Variants in SOX5 observed in about 807,000 individuals in gnomAD.
SOX5 encodes SRY-box transcription factor 5, also known as transcription factor SOX-5.
In SOX5, 9 loss-of-function variants were observed where a neutral mutation model predicts 92.0. The ratio of observed to expected loss-of-function variants is 0.10; its 90% CI spans 0.06 to 0.17. SOX5 has a LOEUF of 0.17. SOX5 is among the 10% of genes least tolerant of loss of function. The probability of loss-of-function intolerance (pLI) is 1.00; values close to 1 mark genes in which losing one functional copy is unlikely to be tolerated. For synonymous variants in SOX5, 344 were observed against 336.3 expected, an observed-to-expected ratio of 1.02 and a Z score of -0.25; for missense variants, 642 against 944.5, an observed-to-expected ratio of 0.68 and a Z score of 4.20.
intron 1 of SOX5, among the ~76,000 whole-genome samples, chr12:24,390,710 G>A (rs1291904104): frequency 1.3e-5 from 2 of 152,024 alleles, no homozygotes; most frequent in South Asian, 4.2e-4. Flanking sequence ...TAAGATAATG[G>A]CCTCCAGTTC....
chr12:24,440,594 TTGTGTGTGTGTGTGTGTGTGTG>T (rs56082162), intron 1 of SOX5, among the ~76,000 whole-genome samples: 3 of 139,632 alleles, frequency 2.1e-5, no homozygotes, highest in South Asian at 2.4e-4. Context: ...ACATGATCCT[TTGTGTGTGTGTGTGTGTGTGTG>T]TGTGTGTGTG....
At chr12:23,858,474 A>G (rs2096719392) in intron 2 of SOX5, among the ~76,000 whole-genome samples, 1 of 152,186 alleles carries the variant, frequency 6.6e-6, no homozygotes, top group African/African-American at 2.4e-5. Context: ...GAGAAATTCA[A>G]ATAAAAACCA....
At chr12:23,623,976 A>G (rs1406999248) in intron 8 of SOX5, among the ~76,000 whole-genome samples, 2 of 152,208 alleles carry the variant, frequency 1.3e-5, no homozygotes, top group African/African-American at 4.8e-5. Context: ...AAAATGTGGT[A>G]CATAGATACT....
intron 3 of SOX5, among the ~76,000 whole-genome samples, chr12:24,216,562 G>T (rs1959179744): frequency 6.6e-6 from 1 of 152,178 alleles, no homozygotes; most frequent in Non-Finnish European, 1.5e-5. Flanking sequence ...GAAAGAAGAA[G>T]ATCTGAAGAT....
chr12:24,507,628 G>A (rs1948919813), intron 1 of SOX5, among the ~76,000 whole-genome samples: 1 of 152,106 alleles, frequency 6.6e-6, no homozygotes, highest in Non-Finnish European at 1.5e-5. Context: ...TTCATTATGT[G>A]CAGGGAATTA....
intron 8 of SOX5, among the ~76,000 whole-genome samples, chr12:23,611,423 T>G (rs1206680197): frequency 6.6e-6 from 1 of 152,002 alleles, no homozygotes; most frequent in Non-Finnish European, 1.5e-5. Context: ...ACATTTTCTG[T>G]ATCCATTTAT....
Position 24,502,631 on chromosome 12 carries a change from C to T in SOX5, c.-251+59698G>A, listed in dbSNP as rs565205167. On this transcript the variant is annotated intron_variant, in intron 1 of 4. Coordinates refer to the SOX5 transcript ENST00000446891. ...TAATAATTACTGCAAGCAACATCTA[C>T]CAACGGGTGCTAAAATTGGTGCCGA... is the stretch of plus-strand genomic sequence containing the variant. 3.3e-5 allele frequency among the ~76,000 whole-genome samples: 5 copies of T among 152,252 alleles called. No homozygotes were observed. In the South Asian group the frequency reaches 1.0e-3, roughly 32 times the overall value.
intron 6 of SOX5, 151 bp downstream of exon 6, chr12:23,734,533 T>A: frequency 1.6e-6 from 1 of 612,020 alleles, no homozygotes; most frequent in Non-Finnish European, 2.8e-6. Flanking sequence ...AGACACCATT[T>A]GCAAGATTTC....
At chr12:24,387,671 T>G (rs1958571928) in intron 1 of SOX5, among the ~76,000 whole-genome samples, 1 of 152,156 alleles carries the variant, frequency 6.6e-6, no homozygotes, top group African/African-American at 2.4e-5. Flanking sequence ...ACAGGGAATA[T>G]TAAGGCCTTT....
chr12:24,007,154 T>A (rs1329414453), intron 4 of SOX5, among the ~76,000 whole-genome samples: 221 of 72,410 alleles, frequency 3.1e-3, no homozygotes, highest in African/African-American at 3.8e-3. Context: ...TATATATATA[T>A]ATATATACAT....
intron 1 of SOX5, among the ~76,000 whole-genome samples, chr12:24,552,289 T>A (rs1953271058): frequency 6.6e-6 from 1 of 152,250 alleles, no homozygotes; most frequent in Non-Finnish European, 1.5e-5. Flanking sequence ...GTGAGCATCT[T>A]ACTTAAATTC....
At chr12:23,888,448 T>C (rs1196744147) in intron 2 of SOX5, among the ~76,000 whole-genome samples, 4 of 152,176 alleles carry the variant, frequency 2.6e-5, no homozygotes, top group African/African-American at 9.7e-5. Context: ...ACTCATTAAT[T>C]TCTCAAGGTC....
chr12:23,797,976 G>A (rs953942043), intron 3 of SOX5, among the ~76,000 whole-genome samples: 1 of 151,498 alleles, frequency 6.6e-6, no homozygotes, highest in Non-Finnish European at 1.5e-5. Flanking sequence ...TGGAATGATC[G>A]TCCCCCAAAT....
At chr12:24,230,784 G>A (rs1963227477) in intron 3 of SOX5, among the ~76,000 whole-genome samples, 1 of 152,096 alleles carries the variant, frequency 6.6e-6, no homozygotes, top group South Asian at 2.1e-4. Context: ...CTGACACAAA[G>A]CTCAAATTTT....
At chr12:24,407,630 C>T (rs1391987713) in intron 1 of SOX5, 1 of 152,200 alleles carries the variant, frequency 6.6e-6, no homozygotes, top group Non-Finnish European at 1.5e-5. Context: ...ATGGGGTTGA[C>T]TGTCTGAAGT....
rs868861464 is a variant in SOX5, at chr12:23,758,743, A to G, written c.482-3019T>C. Among the ~76,000 whole-genome samples the G allele has an allele frequency of 2.0e-5, 3 of 151,886 alleles. No homozygotes were observed. In the South Asian group the frequency reaches 6.2e-4, roughly 31 times the overall value. ...CCAAAAGTGTTGGGAGGTGAGGCCT[A>G]ATGGAAGGTATTTAGGTCATAAGGG... On this transcript the variant is annotated intron_variant, in intron 3 of 14. Coordinates refer to ENST00000451604, the MANE Select transcript of SOX5 (RefSeq NM_006940.6).
At chr12:24,081,893 A>T (rs1255812870) in intron 4 of SOX5, among the ~76,000 whole-genome samples, 2 of 151,970 alleles carry the variant, frequency 1.3e-5, no homozygotes, top group African/African-American at 4.8e-5. Flanking sequence ...GGACAATGGA[A>T]AAAGCCTCCA....
chr12:24,082,072 G>A (rs1011212163), intron 4 of SOX5, among the ~76,000 whole-genome samples: 8 of 151,812 alleles, frequency 5.3e-5, no homozygotes, highest in African/African-American at 1.9e-4. Context: ...CTGATGCATG[G>A]CATTTGAGAA....
chr12:24,037,530 A>T (rs1233196601), intron 4 of SOX5, among the ~76,000 whole-genome samples: 1 of 152,166 alleles, frequency 6.6e-6, no homozygotes, highest in African/African-American at 2.4e-5. Flanking sequence ...TTTTCCACAT[A>T]TGATCATGGT....
Sources: allele counts gnomAD v4.1 joint callset (sites outside exome capture counted in the v4.1 genomes callset), GRCh38; gene constraint gnomAD v4.1.1; transcripts MANE v1.5; gene names NCBI Gene and HGNC (gene_info 2026-07-23, HGNC 2026-07-21).